Variants in CNNM2 observed in about 807,000 individuals in gnomAD.
The protein encoded by CNNM2 is cyclin and CBS domain divalent metal cation transport mediator 2, also known as metal transporter CNNM2.
CNNM2 carries 12 observed loss-of-function variants against 66.9 expected under a neutral mutation model. That is an observed-to-expected ratio of 0.18 (90% CI 0.11 to 0.29). The LOEUF (loss-of-function observed/expected upper bound fraction) is 0.29, where lower values mean the gene tolerates loss of function less well. Among genes scored for constraint, CNNM2 ranks in the 10% least tolerant of loss-of-function variants. The probability of loss-of-function intolerance (pLI) is 1.00; values close to 1 mark genes in which losing one functional copy is unlikely to be tolerated. For synonymous variants in CNNM2, 557 were observed against 501.8 expected, an observed-to-expected ratio of 1.11 and a Z score of -1.47; for missense variants, 705 against 1,167.7, an observed-to-expected ratio of 0.60 and a Z score of 5.77.
At chr10:102,954,952 C>T (rs1207501899) in intron 1 of CNNM2, among the ~76,000 whole-genome samples, 2 of 152,120 alleles carry the variant, frequency 1.3e-5, no homozygotes, top group East Asian at 1.9e-4. Flanking sequence ...GGCGATACTG[C>T]CCAAGGTAAT....
chr10:103,042,393 G>A (rs1460450720), intron 1 of CNNM2, among the ~76,000 whole-genome samples: 1 of 152,112 alleles, frequency 6.6e-6, no homozygotes, highest in Non-Finnish European at 1.5e-5. Context: ...TGGCCATCCT[G>A]TGTTAAATGT....
chr10:102,988,273 A>C (rs1298295231), intron 1 of CNNM2, among the ~76,000 whole-genome samples: 1 of 152,184 alleles, frequency 6.6e-6, no homozygotes, highest in Admixed American at 6.5e-5. Context: ...AGTGCATTCC[A>C]GCCTGGGCAA....
intron 1 of CNNM2, among the ~76,000 whole-genome samples, chr10:102,984,033 G>C (rs965451259): frequency 1.3e-5 from 2 of 152,212 alleles, no homozygotes; most frequent in African/African-American, 4.8e-5. Context: ...TGGGATTACA[G>C]GTGTGAGCCA....
chr10:103,012,746 C>T (rs1350781070), intron 1 of CNNM2, among the ~76,000 whole-genome samples: 1 of 146,874 alleles, frequency 6.8e-6, no homozygotes, highest in Non-Finnish European at 1.5e-5. Flanking sequence ...GGTGAATAAA[C>T]TCTTCTCTAC....
intron 1 of CNNM2, among the ~76,000 whole-genome samples, chr10:102,995,574 T>A (rs978378386): frequency 2.0e-5 from 3 of 152,166 alleles, no homozygotes; most frequent in African/African-American, 7.2e-5. Flanking sequence ...ATGTAGAGTT[T>A]TTGGGGGAAA....
intron 1 of CNNM2, among the ~76,000 whole-genome samples, chr10:102,957,535 A>C (rs1847090877): frequency 6.6e-6 from 1 of 152,196 alleles, no homozygotes; most frequent in Non-Finnish European, 1.5e-5. Flanking sequence ...ATTTATCAAG[A>C]ATCTATTAAG....
At chr10:102,924,709 A>G (rs906650539) in intron 1 of CNNM2, among the ~76,000 whole-genome samples, 8 of 151,806 alleles carry the variant, frequency 5.3e-5, no homozygotes, top group African/African-American at 1.2e-4. Flanking sequence ...GCCTCAAGCA[A>G]TCCTCCCATC....
chr10:102,935,973 A>G (rs986481340), intron 1 of CNNM2, among the ~76,000 whole-genome samples: 2 of 151,434 alleles, frequency 1.3e-5, no homozygotes, highest in Non-Finnish European at 2.9e-5. Context: ...AGACAAAATG[A>G]AACTCTATGG....
Position 103,089,799 on chromosome 10 carries a change from T to C in CNNM2, c.*12619T>C, listed in dbSNP as rs1564895967. On this transcript the variant is annotated 3_prime_UTR_variant, in exon 8 of 8. Transcript: ENST00000369878. The stretch of plus-strand genomic sequence containing the variant: ...AATTGACCGTGTCAGCTGGTGCCGC[T>C]TGTAGTCAGTGTCTTTGAAATCCAC... 1.9e-6 allele frequency: 3 copies of C among 1,613,920 alleles called. No homozygotes were observed. The highest frequency in any genetic ancestry group is 1.3e-5 in the African/African-American group (1 of 74,884).
intron 1 of CNNM2, among the ~76,000 whole-genome samples, chr10:103,006,471 G>T (rs1317833262): frequency 5.9e-5 from 9 of 152,090 alleles, no homozygotes; most frequent in African/African-American, 2.2e-4. Context: ...CTCCCAAAGT[G>T]CTGGGATTAC....
intron 4 of CNNM2, among the ~76,000 whole-genome samples, chr10:103,062,590 A>C (rs1469026527): frequency 1.3e-5 from 2 of 152,208 alleles, no homozygotes; most frequent in African/African-American, 4.8e-5. Flanking sequence ...AAAACAAACT[A>C]TCAAATGAAT....
intron 6 of CNNM2, among the ~76,000 whole-genome samples, chr10:103,075,132 G>A (rs1372280469): frequency 6.6e-6 from 1 of 152,198 alleles, no homozygotes; most frequent in Non-Finnish European, 1.5e-5. Flanking sequence ...TAGCCGAAGG[G>A]CAGGTGCAGC....
At chr10:102,943,723 A>G (rs1414145317) in intron 1 of CNNM2, among the ~76,000 whole-genome samples, 1 of 152,124 alleles carries the variant, frequency 6.6e-6, no homozygotes, top group Non-Finnish European at 1.5e-5. Context: ...GGCTAATCTC[A>G]TAACTGCATG....
chr10:102,932,894 G>A (rs1204419353), intron 1 of CNNM2, among the ~76,000 whole-genome samples: 2 of 148,102 alleles, frequency 1.4e-5, no homozygotes, highest in Non-Finnish European at 3.0e-5. Context: ...TCCAGGCTGG[G>A]TGACAGAGCA....
intron 1 of CNNM2, among the ~76,000 whole-genome samples, chr10:102,963,360 ACTCT>A (rs1430660192): frequency 3.3e-5 from 5 of 152,026 alleles, no homozygotes; most frequent in South Asian, 2.1e-4. Flanking sequence ...CCTTTGACTG[ACTCT>A]CTCAGTAAAA....
At chr10:103,009,618 G>A (rs926230945) in intron 1 of CNNM2, among the ~76,000 whole-genome samples, 4 of 149,802 alleles carry the variant, frequency 2.7e-5, no homozygotes, top group African/African-American at 9.9e-5. Flanking sequence ...TTGAGCCCAG[G>A]AGGTGGGAGG....
chr10:103,022,209 T>C (rs539231626), intron 1 of CNNM2, among the ~76,000 whole-genome samples: 1 of 152,310 alleles, frequency 6.6e-6, no homozygotes, highest in East Asian at 1.9e-4. Flanking sequence ...ACCTTTTAGA[T>C]TTTGGATCAG....
chr10:103,031,426 G>C (rs560821488), intron 1 of CNNM2, among the ~76,000 whole-genome samples: 96 of 152,134 alleles, frequency 6.3e-4, no homozygotes, highest in Admixed American at 3.6e-3. Context: ...TATAGTTATT[G>C]GTGGCCATCT....
chr10:103,008,737 C>T (rs968822697), intron 1 of CNNM2, among the ~76,000 whole-genome samples: 2 of 147,528 alleles, frequency 1.4e-5, no homozygotes, highest in African/African-American at 2.5e-5. Context: ...CGAGATCAAG[C>T]CACTTCACTC....
Sources: allele counts gnomAD v4.1 joint callset (sites outside exome capture counted in the v4.1 genomes callset), GRCh38; gene constraint gnomAD v4.1.1; transcripts MANE v1.5; gene names NCBI Gene and HGNC (gene_info 2026-07-23, HGNC 2026-07-21).